Variants in PHC2 observed in about 807,000 individuals in gnomAD.
PHC2 encodes polyhomeotic homolog 2, also known as polyhomeotic-like protein 2.
In PHC2, 29 loss-of-function variants were observed where a neutral mutation model predicts 87.4. The ratio of observed to expected loss-of-function variants is 0.33; its 90% CI spans 0.25 to 0.45. The LOEUF (loss-of-function observed/expected upper bound fraction) is 0.45, where lower values mean the gene tolerates loss of function less well. Ranked by LOEUF, PHC2 falls within the 20% of genes least tolerant of loss-of-function variation. The probability of loss-of-function intolerance (pLI) is 1.00; values close to 1 mark genes in which losing one functional copy is unlikely to be tolerated. For synonymous variants in PHC2, 438 were observed against 461.7 expected, an observed-to-expected ratio of 0.95 and a Z score of 0.66; for missense variants, 857 against 1,136.7, an observed-to-expected ratio of 0.75 and a Z score of 3.54.
At chr1:33,400,726 T>C (rs1361062215) in intron 1 of PHC2, among the ~76,000 whole-genome samples, 3 of 152,110 alleles carry the variant, frequency 2.0e-5, no homozygotes, top group Non-Finnish European at 4.4e-5. Context: ...CATATGCACA[T>C]AACTGAATAC....
At chr1:33,375,694 C>T in intron 1 of PHC2, 101 bp from the exon 2 acceptor site, 1 of 657,174 alleles carries the variant, frequency 1.5e-6, no homozygotes, top group Non-Finnish European at 2.4e-6. Context: ...TCCATGGATT[C>T]AACCAACCAC....
rs60725677 is a variant in PHC2, at chr1:33,356,249, T to TTATATATATATATATATATATATA, written c.977-1020_977-997dup. On this transcript the variant is annotated intron_variant, in intron 7 of 14. Transcript: ENST00000683057. Reference sequence around the variant, plus strand: ...GGCTGACTCTTTGAGGTGAAAATTCTTATATATATATATATATATATATAT... The same window carrying TTATATATATATATATATATATATA: ...GGCTGACTCTTTGAGGTGAAAATTCTTATATATATATATATATATATATATATATATATATATATATATATATAT... Among the ~76,000 whole-genome samples the TTATATATATATATATATATATATA allele has an allele frequency of 5.9e-5, 6 of 101,540 alleles. No individual in the cohort carries two copies. The East Asian group carries it at 9.2e-4, about 16-fold the overall frequency. The allele number at this position is 101,540 out of a possible 152,430, so 66.6% of individuals were successfully genotyped here. A position where few individuals can be genotyped will look rare whatever the true frequency, so the allele number is the denominator to read the frequency against.
At chr1:33,325,054 A>G (rs771128468) in intron 14 of PHC2, 35 bp from the exon 15 acceptor site, 2 of 1,570,226 alleles carry the variant, frequency 1.3e-6, no homozygotes, top group Non-Finnish European at 1.7e-6. Flanking sequence ...TGTCAATCCA[A>G]GCCGCCAGTG....
chr1:33,392,398 G>A (rs1305137234), intron 1 of PHC2, among the ~76,000 whole-genome samples: 2 of 152,054 alleles, frequency 1.3e-5, no homozygotes, highest in African/African-American at 2.4e-5. Context: ...GCGTTCTCAC[G>A]TTCTGTTCCT....
chr1:33,339,760 T>C (rs192504639), intron 9 of PHC2, among the ~76,000 whole-genome samples: 50 of 152,362 alleles, frequency 3.3e-4, no homozygotes, highest in African/African-American at 1.2e-3. Context: ...ACAGGTTAAG[T>C]ATCCCTTATC....
At chr1:33,371,482 T>TGGCCACAGCCATCACACCC (rs1647837987) in intron 3 of PHC2, among the ~76,000 whole-genome samples, 2 of 151,068 alleles carry the variant, frequency 1.3e-5, no homozygotes, top group Admixed American at 6.6e-5. Context: ...CCATCACACC[T>TGGCCACAGCCATCACACCC]GGCCACCGCC....
chr1:33,407,286 AG>A (rs1649803611), intron 1 of PHC2, among the ~76,000 whole-genome samples: 1 of 152,120 alleles, frequency 6.6e-6, no homozygotes, highest in Non-Finnish European at 1.5e-5. Context: ...TTTACTACTC[AG>A]GGTATCTTGT....
intron 1 of PHC2, among the ~76,000 whole-genome samples, chr1:33,396,261 G>A (rs1368748524): frequency 1.3e-5 from 2 of 152,104 alleles, no homozygotes; most frequent in African/African-American, 2.4e-5. Context: ...AAATCCACAG[G>A]GTTAATGCAG....
chr1:33,324,955 G>C lies in PHC2; in HGVS notation c.2490C>G (p.Leu830=). ...TGGCGCTCATCAGGTGGTCCTCCTT[G>C]AGCAGCAGCAGGGCTTGCCCGTCGA... ...QEIDGQALLL[L]KEDHLMSAMN... The change falls in exon 15 of 15, where the codon CTC becomes CTG. Residue 830 remains leucine (L), a synonymous_variant. Transcript: ENST00000683057. 1 of 1,613,964 alleles carries C rather than the reference G, an allele frequency of 6.2e-7. No individual in the cohort carries two copies. Among genetic ancestry groups the C allele is most frequent in the Non-Finnish European group, 8.5e-7 (1 of 1,179,916 alleles).
intron 1 of PHC2, among the ~76,000 whole-genome samples, chr1:33,429,440 C>T (rs1557851738): frequency 6.6e-6 from 1 of 152,212 alleles, no homozygotes; most frequent in Non-Finnish European, 1.5e-5. Context: ...GCTGTTCCCC[C>T]GCTTTGGCTG....
At chr1:33,360,264 A>G (rs948381157) in intron 7 of PHC2, among the ~76,000 whole-genome samples, 8 of 152,256 alleles carry the variant, frequency 5.3e-5, no homozygotes, top group Non-Finnish European at 1.2e-4. Flanking sequence ...CCTGTTCTGC[A>G]GCCCTCTGGA....
chr1:33,329,174 G>C (rs1333366899), intron 13 of PHC2, 28 bp from the exon 14 acceptor site: 3 of 1,600,686 alleles, frequency 1.9e-6, no homozygotes, highest in Admixed American at 3.3e-5. Context: ...TCTTCAGGAT[G>C]GGGGAACAAA....
chr1:33,382,125 G>C lies in PHC2; in HGVS notation c.-54-6532C>G, dbSNP rs1648523037. Among the ~76,000 whole-genome samples, 1 of 152,166 alleles carries C rather than the reference G, an allele frequency of 6.6e-6. No individual in the cohort carries two copies. On this transcript the variant is annotated intron_variant, in intron 1 of 14. Coordinates refer to ENST00000683057, the MANE Select transcript of PHC2 (RefSeq NM_001385109.1). The surrounding 1 kb of genome is among the most constrained non-coding windows in gnomAD (Gnocchi z 4.3). ...TAGTAGAAGGGAACTTGAGTTGGAA[G>C]AAAACATAATTAGTAAGTGTGGACC... is the stretch of plus-strand genomic sequence containing the variant.
intron 1 of PHC2, among the ~76,000 whole-genome samples, chr1:33,405,403 T>C (rs1649717773): frequency 1.3e-5 from 2 of 152,014 alleles, no homozygotes; most frequent in African/African-American, 4.8e-5. Context: ...GTTGGCCAGG[T>C]AGGTCTTGAA....
At chr1:33,404,724 T>C (rs1649682489) in intron 1 of PHC2, among the ~76,000 whole-genome samples, 1 of 152,184 alleles carries the variant, frequency 6.6e-6, no homozygotes, top group Non-Finnish European at 1.5e-5. Flanking sequence ...CTCTGATGTG[T>C]TTTATGTCTG....
At chr1:33,397,366 C>T (rs533071958) in intron 1 of PHC2, among the ~76,000 whole-genome samples, 3 of 152,292 alleles carry the variant, frequency 2.0e-5, no homozygotes, top group South Asian at 2.1e-4. Flanking sequence ...GAATCTTGGG[C>T]CCCACCCCAG....
At chr1:33,401,865 TA>T (rs1649547233) in intron 1 of PHC2, among the ~76,000 whole-genome samples, 1 of 152,038 alleles carries the variant, frequency 6.6e-6, no homozygotes, top group Non-Finnish European at 1.5e-5. Flanking sequence ...TAAAGTAAAC[TA>T]AATATTTAAG....
chr1:33,399,712 G>A (rs951718831), intron 1 of PHC2, among the ~76,000 whole-genome samples: 17 of 152,134 alleles, frequency 1.1e-4, no homozygotes, highest in Admixed American at 2.6e-4. Context: ...GAGAAGCCCG[G>A]TGCTACTAGA....
chr1:33,416,644 T>G (rs529417082), intron 1 of PHC2, among the ~76,000 whole-genome samples: 7 of 148,994 alleles, frequency 4.7e-5, no homozygotes, highest in Non-Finnish European at 1.0e-4. Context: ...TGCAAGCCAG[T>G]AGGCAATGGA....
Sources: allele counts gnomAD v4.1 joint callset (sites outside exome capture counted in the v4.1 genomes callset), GRCh38; gene constraint gnomAD v4.1.1; non-coding constraint Gnocchi (gnomAD v3.1); transcripts MANE v1.5; gene names NCBI Gene and HGNC (gene_info 2026-07-23, HGNC 2026-07-21).